The following DLG2 variants were observed in gnomAD, a reference collection of about 807,000 sequenced individuals.
The protein encoded by DLG2 is discs large MAGUK scaffold protein 2.
DLG2 carries 45 observed loss-of-function variants against 132.5 expected under a neutral mutation model. The observed-to-expected ratio is 0.34, with a 90% CI of 0.27 to 0.44. The LOEUF (loss-of-function observed/expected upper bound fraction) is 0.44, where lower values mean the gene tolerates loss of function less well. Among genes scored for constraint, DLG2 ranks in the 20% least tolerant of loss-of-function variants. The pLI is 1.00. For synonymous variants in DLG2, 424 were observed against 419.6 expected (o/e 1.01, Z -0.13); for missense variants, 1,045 against 1,196.9 (o/e 0.87, Z 1.87).
intron 3 of DLG2, among the ~76,000 whole-genome samples, chr11:85,388,856 T>G (rs994236249): frequency 6.6e-6 from 1 of 152,092 alleles, no homozygotes. Flanking sequence ...ACAGAAGCCC[T>G]TGAGTCCCAG....
chr11:84,957,436 C>A (rs2051860987), intron 6 of DLG2, among the ~76,000 whole-genome samples: 1 of 152,172 alleles, frequency 6.6e-6, no homozygotes, highest in Non-Finnish European at 1.5e-5. Context: ...CAAAAGAACA[C>A]TTTAATGGTT....
At chr11:84,816,729 C>G (rs1050461659) in intron 6 of DLG2, among the ~76,000 whole-genome samples, 2 of 151,852 alleles carry the variant, frequency 1.3e-5, no homozygotes, top group Non-Finnish European at 2.9e-5. Context: ...GATGCTGGAA[C>G]TAAAATAAAG....
intron 19 of DLG2, among the ~76,000 whole-genome samples, chr11:83,551,005 A>G (rs1257543305): frequency 6.6e-6 from 1 of 152,202 alleles, no homozygotes; most frequent in African/African-American, 2.4e-5. Context: ...TTATATATGC[A>G]TGACTCGTGA....
intron 21 of DLG2, among the ~76,000 whole-genome samples, chr11:83,494,553 C>CT (rs751725594): frequency 0.017 from 2,337 of 134,874 alleles, 21 homozygotes; most frequent in Middle Eastern, 0.024. Flanking sequence ...CTGCCTATTT[C>CT]TTTTTTTTTT....
rs1342157808 is a variant in DLG2 at position 84,037,244 on chromosome 11, C to T, written c.919+22071G>A. 2.0e-5 allele frequency among the ~76,000 whole-genome samples: 3 copies of T among 152,192 alleles called. No individual in the cohort carries two copies. In the East Asian group the frequency reaches 5.8e-4, roughly 29 times the overall value. ...AATTTAAGCATGGAGAAAGATACTTCTGAAAATTATGCACCTTTTGTTCTA... is the reference window on the plus strand; with the variant it reads ...AATTTAAGCATGGAGAAAGATACTTTTGAAAATTATGCACCTTTTGTTCTA... On this transcript the variant is annotated intron_variant, in intron 11 of 27. Coordinates refer to ENST00000376104, the MANE Select transcript of DLG2 (RefSeq NM_001142699.3).
intron 6 of DLG2, among the ~76,000 whole-genome samples, chr11:84,936,960 C>T (rs1482262887): frequency 6.6e-6 from 1 of 152,166 alleles, no homozygotes; most frequent in Non-Finnish European, 1.5e-5. Context: ...TGAGACCAGC[C>T]TGGCCAACAT....
intron 16 of DLG2, among the ~76,000 whole-genome samples, chr11:83,855,041 T>C (rs2060312584): frequency 6.6e-6 from 1 of 152,070 alleles, no homozygotes; most frequent in African/African-American, 2.4e-5. Context: ...TCAAAGAAGA[T>C]AAACAGATGA....
chr11:83,610,821 A>G (rs2060008546), intron 19 of DLG2, among the ~76,000 whole-genome samples: 1 of 152,204 alleles, frequency 6.6e-6, no homozygotes, highest in Non-Finnish European at 1.5e-5. Context: ...GTTATCCACA[A>G]TAGAAAGAGG....
intron 22 of DLG2, 116 bp from the exon 23 acceptor site, chr11:83,472,893 T>C (rs2092236949): frequency 3.5e-6 from 3 of 857,788 alleles, no homozygotes; most frequent in Non-Finnish European, 5.7e-6. Context: ...CCTTGCTCTT[T>C]CTCCTTGAAC....
At chr11:84,814,674 A>G (rs1052418439) in intron 6 of DLG2, among the ~76,000 whole-genome samples, 2 of 152,064 alleles carry the variant, frequency 1.3e-5, no homozygotes, top group African/African-American at 4.8e-5. Flanking sequence ...TCCTCTGCTT[A>G]GAAGGATCTA....
chr11:84,982,297 A>C (rs1031869761), intron 6 of DLG2, among the ~76,000 whole-genome samples: 4 of 152,106 alleles, frequency 2.6e-5, no homozygotes, highest in African/African-American at 9.7e-5. Context: ...GGTACATCAC[A>C]TACATCATGC....
chr11:84,340,644 G>A (rs1338832942), intron 7 of DLG2, among the ~76,000 whole-genome samples: 1 of 152,154 alleles, frequency 6.6e-6, no homozygotes, highest in Non-Finnish European at 1.5e-5. Context: ...CCAGTAAACA[G>A]TAGAATCAGG....
chr11:83,812,496 ATT>A (rs1041112459), intron 17 of DLG2, among the ~76,000 whole-genome samples: 4 of 152,246 alleles, frequency 2.6e-5, no homozygotes, highest in Non-Finnish European at 2.9e-5. Context: ...TTATGTAGCC[ATT>A]TTTGAGATGT....
intron 6 of DLG2, among the ~76,000 whole-genome samples, chr11:84,993,284 G>A (rs926714032): frequency 7.9e-5 from 12 of 152,182 alleles, no homozygotes; most frequent in African/African-American, 2.7e-4. Context: ...CAAGGAGAGG[G>A]AGAGTGTTAG....
intron 7 of DLG2, among the ~76,000 whole-genome samples, chr11:84,253,060 A>G (rs540682049): frequency 1.3e-5 from 2 of 152,278 alleles, no homozygotes; most frequent in African/African-American, 4.8e-5. Flanking sequence ...TGGCATACAT[A>G]TGTATATAAT....
chr11:84,327,933 A>T (rs1219544511), intron 7 of DLG2, among the ~76,000 whole-genome samples: 1 of 152,144 alleles, frequency 6.6e-6, no homozygotes, highest in Non-Finnish European at 1.5e-5. Context: ...AATTTATTCA[A>T]TTGTATTGAT....
rs1214397388 is a variant in DLG2 at position 83,497,621 on chromosome 11, C to CT, written c.2194-13394dup. On this transcript the variant is annotated intron_variant, in intron 21 of 27. Transcript: ENST00000376104. ...TTCTCTGCAGTTATCTCAGATTTGTCTTTTTTTCATGAATTTAATCTCATA... is the reference window on the plus strand; with the variant it reads ...TTCTCTGCAGTTATCTCAGATTTGTCTTTTTTTTCATGAATTTAATCTCATA... Among the ~76,000 whole-genome samples the CT allele has an allele frequency of 7.9e-5, 12 of 152,028 alleles. No individual in the cohort carries two copies. In the South Asian group the frequency reaches 1.2e-3, roughly 16 times the overall value.
At chr11:84,773,781 C>T (rs2069861547) in intron 6 of DLG2, among the ~76,000 whole-genome samples, 1 of 152,136 alleles carries the variant, frequency 6.6e-6, no homozygotes, top group Admixed American at 6.6e-5. Flanking sequence ...ATTAAAGGAA[C>T]ATACCTCAAA....
chr11:83,979,724 A>G (rs1442712581), intron 12 of DLG2, among the ~76,000 whole-genome samples: 1 of 152,164 alleles, frequency 6.6e-6, no homozygotes, highest in Non-Finnish European at 1.5e-5. Context: ...CAGAACTCAG[A>G]TTATAAATTC....
Sources: gnomAD v4.1 joint callset for allele counts (sites outside exome capture counted in the v4.1 genomes callset) on GRCh38, gnomAD v4.1.1 for gene constraint, MANE v1.5 for transcripts, NCBI Gene and HGNC (gene_info 2026-07-23, HGNC 2026-07-21) for gene names.